The following ZFAND6 variants were observed in gnomAD, a reference collection of about 807,000 sequenced individuals.
ZFAND6 encodes AN1-type zinc finger protein 6.
ZFAND6 carries 12 observed loss-of-function variants against 24.5 expected under a neutral mutation model. That is an observed-to-expected ratio of 0.49 (90% CI 0.31 to 0.79). The LOEUF (loss-of-function observed/expected upper bound fraction) is 0.79. Among genes scored for constraint, ZFAND6 ranks in the 30% least tolerant of loss-of-function variants. ZFAND6 has a pLI of 0.04. For missense variants in ZFAND6, 207 were observed against 245.9 expected, an observed-to-expected ratio of 0.84 and a Z score of 1.06; for synonymous variants, 92 against 81.5, an observed-to-expected ratio of 1.13 and a Z score of -0.69.
intron 6 of ZFAND6, 115 bp from the exon 7 acceptor site, chr15:80,137,365 T>G (rs977319945): frequency 8.6e-7 from 1 of 1,158,596 alleles, no homozygotes; most frequent in South Asian, 1.7e-5. Context: ...GTATTTAGAA[T>G]GATTCTTTAG....
At chr15:80,078,834 T>C (rs984820933) in intron 1 of ZFAND6, among the ~76,000 whole-genome samples, 2 of 152,202 alleles carry the variant, frequency 1.3e-5, no homozygotes, top group African/African-American at 2.4e-5. Flanking sequence ...CATTTTTTCA[T>C]GTATTTGTTG....
intron 5 of ZFAND6, among the ~76,000 whole-genome samples, chr15:80,129,026 A>G (rs2040485094): frequency 6.6e-6 from 1 of 152,196 alleles, no homozygotes; most frequent in Non-Finnish European, 1.5e-5. Flanking sequence ...CAGGTTAGAT[A>G]TGGCTTACAG....
At chr15:80,070,406 G>A (rs2036908750) in intron 1 of ZFAND6, among the ~76,000 whole-genome samples, 1 of 152,098 alleles carries the variant, frequency 6.6e-6, no homozygotes, top group Non-Finnish European at 1.5e-5. Flanking sequence ...AAGCAATATT[G>A]TTTTCATATT....
intron 1 of ZFAND6, among the ~76,000 whole-genome samples, chr15:80,086,334 C>G (rs550882618): frequency 6.6e-6 from 1 of 152,316 alleles, no homozygotes; most frequent in South Asian, 2.1e-4. Flanking sequence ...CACTTGCACC[C>G]GGCCTAAAAC....
chr15:80,118,016 T>TTTTGTGTGTG (rs1555434592), intron 2 of ZFAND6, among the ~76,000 whole-genome samples: 1 of 150,304 alleles, frequency 6.7e-6, no homozygotes, highest in Middle Eastern at 3.2e-3. Context: ...AGGTATTGAA[T>TTTTGTGTGTG]TGTGTGTGTG....
intron 1 of ZFAND6, among the ~76,000 whole-genome samples, chr15:80,082,420 G>A (rs944738980): frequency 1.3e-5 from 2 of 152,182 alleles, no homozygotes; most frequent in Non-Finnish European, 1.5e-5. Context: ...ATTGACAAAG[G>A]TTATGTGGCA....
chr15:80,122,030 T>A (rs1329854878), intron 4 of ZFAND6, among the ~76,000 whole-genome samples: 1 of 152,200 alleles, frequency 6.6e-6, no homozygotes, highest in Non-Finnish European at 1.5e-5. Flanking sequence ...GATTTCTTTT[T>A]CAGGCATCTT....
chr15:80,069,443 TATGTTTCCTTA>T (rs1234264049), intron 1 of ZFAND6, among the ~76,000 whole-genome samples: 3 of 152,172 alleles, frequency 2.0e-5, no homozygotes, highest in African/African-American at 4.8e-5. Context: ...TGCTTATTTG[TATGTTTCCTTA>T]ATGTTTCCTT....
intron 1 of ZFAND6, among the ~76,000 whole-genome samples, chr15:80,064,858 C>T (rs1359709995): frequency 1.3e-5 from 2 of 152,068 alleles, no homozygotes; most frequent in Non-Finnish European, 2.9e-5. Flanking sequence ...TTTCAAACTC[C>T]TGGGCTCAAG....
intron 1 of ZFAND6, among the ~76,000 whole-genome samples, chr15:80,093,656 CG>C (rs1291380283): frequency 3.3e-5 from 5 of 152,142 alleles, no homozygotes; most frequent in Middle Eastern, 3.2e-3. Flanking sequence ...ACCCAGAAGG[CG>C]GAGGTTGCAG....
At chr15:80,065,303 T>G (rs1232589891) in intron 1 of ZFAND6, among the ~76,000 whole-genome samples, 2 of 151,924 alleles carry the variant, frequency 1.3e-5, no homozygotes, top group African/African-American at 2.4e-5. Flanking sequence ...AAAGCTGCCT[T>G]TATCATATGT....
intron 6 of ZFAND6, among the ~76,000 whole-genome samples, chr15:80,132,363 C>A (rs78197414): frequency 6.6e-6 from 1 of 152,106 alleles, no homozygotes; most frequent in East Asian, 1.9e-4. Flanking sequence ...ATGCACAAAT[C>A]TATTATAAAA....
intron 1 of ZFAND6, among the ~76,000 whole-genome samples, chr15:80,062,271 G>T (rs1462415716): frequency 6.6e-6 from 1 of 152,174 alleles, no homozygotes; most frequent in East Asian, 1.9e-4. Flanking sequence ...CCTGTCAAAT[G>T]TCACACCCTT....
chr15:80,128,202 A>G (rs543253930), intron 5 of ZFAND6, among the ~76,000 whole-genome samples: 110 of 152,236 alleles, frequency 7.2e-4, no homozygotes, highest in Non-Finnish European at 1.2e-3. Context: ...ATGAGTACAG[A>G]GTTTTCCCTT....
intron 5 of ZFAND6, among the ~76,000 whole-genome samples, chr15:80,124,816 G>T (rs1318620475): frequency 6.6e-6 from 1 of 152,064 alleles, no homozygotes; most frequent in East Asian, 1.9e-4. Context: ...GATAAATTAG[G>T]TATAAGTTTC....
chr15:80,070,428 A>G (rs982003718), intron 1 of ZFAND6, among the ~76,000 whole-genome samples: 2 of 152,304 alleles, frequency 1.3e-5, no homozygotes, highest in Admixed American at 1.3e-4. Context: ...TCTCGGTTAT[A>G]CATTTTATGG....
intron 1 of ZFAND6, among the ~76,000 whole-genome samples, chr15:80,064,317 G>GACAGAATAC (rs2036491945): frequency 6.6e-6 from 1 of 152,034 alleles, no homozygotes; most frequent in South Asian, 2.1e-4. Context: ...CTAAAAATAT[G>GACAGAATAC]ACAGAATACA....
At chr15:80,064,278 C>T (rs1038729541) in intron 1 of ZFAND6, among the ~76,000 whole-genome samples, 1 of 152,152 alleles carries the variant, frequency 6.6e-6, no homozygotes, top group Middle Eastern at 3.4e-3. Flanking sequence ...AAAAGTTTGA[C>T]TAACATCAAA....
intron 1 of ZFAND6, among the ~76,000 whole-genome samples, chr15:80,062,875 A>G (rs1013389346): frequency 1.6e-4 from 24 of 152,178 alleles, no homozygotes; most frequent in Non-Finnish European, 3.1e-4. Flanking sequence ...TAAACTATTA[A>G]GAGTCCATTC....
Sources: allele counts gnomAD v4.1 joint callset (sites outside exome capture counted in the v4.1 genomes callset), GRCh38; gene constraint gnomAD v4.1.1; transcripts MANE v1.5; gene names NCBI Gene and HGNC (gene_info 2026-07-23, HGNC 2026-07-21).